Variants in TNRC18 observed in about 807,000 individuals in gnomAD.
TNRC18 encodes the protein trinucleotide repeat-containing gene 18 protein.
TNRC18 carries 69 observed loss-of-function variants against 226.7 expected under a neutral mutation model. That is an observed-to-expected ratio of 0.30 (90% CI 0.25 to 0.37). TNRC18 has a LOEUF of 0.37. TNRC18 is among the 10% of genes least tolerant of loss of function. The pLI, the probability that TNRC18 is intolerant of heterozygous loss-of-function variation, is 1.00. For missense variants in TNRC18, 4,754 were observed against 4,256.6 expected, an observed-to-expected ratio of 1.12 and a Z score of -3.25; for synonymous variants, 2,449 against 1,927.6, an observed-to-expected ratio of 1.27 and a Z score of -7.09.
chr7:5,351,342 C>T (rs776762689), intron 17 of TNRC18, among the ~76,000 whole-genome samples: 5 of 152,074 alleles, frequency 3.3e-5, no homozygotes, highest in South Asian at 2.1e-4. Context: ...ACCAAAATCG[C>T]GGTACAAACA....
At chr7:5,398,490 T>C (rs1236230493) in intron 2 of TNRC18, among the ~76,000 whole-genome samples, 3 of 151,574 alleles carry the variant, frequency 2.0e-5, no homozygotes, top group Non-Finnish European at 4.4e-5. Flanking sequence ...TTTTTTTCTT[T>C]TTCTTTTTTG....
At chr7:5,361,458 G>C in intron 14 of TNRC18, 136 bp downstream of exon 14, 3 of 1,102,158 alleles carry the variant, frequency 2.7e-6, no homozygotes, top group Non-Finnish European at 3.7e-6. Flanking sequence ...TGCTCCCCGA[G>C]GGCCACTGCT....
intron 2 of TNRC18, among the ~76,000 whole-genome samples, chr7:5,401,617 C>T (rs571711671): frequency 6.6e-6 from 1 of 152,292 alleles, no homozygotes; most frequent in South Asian, 2.1e-4. Flanking sequence ...TGCCTGTTGC[C>T]AGGAAAGCAC....
Position 5,399,523 on chromosome 7 carries a change from A to G in TNRC18, c.188-4928T>C, listed in dbSNP as rs957994155. 2.6e-5 allele frequency among the ~76,000 whole-genome samples: 4 copies of G among 151,580 alleles called. No homozygotes were observed. The East Asian group carries it at 7.8e-4, about 30-fold the overall frequency. ...AGGCCAGGAGTTCAGCCTGGCAGAC[A>G]TGGTAAAACCCCATCTCTACCAATA... On this transcript the variant is annotated intron_variant, in intron 2 of 29. Coordinates refer to ENST00000430969, the MANE Select transcript of TNRC18 (RefSeq NM_001080495.3).
chr7:5,374,703 G>A (rs572421766), intron 9 of TNRC18, among the ~76,000 whole-genome samples: 21 of 152,334 alleles, frequency 1.4e-4, no homozygotes, highest in South Asian at 8.3e-4. Context: ...AAAAGGCAGC[G>A]CTGGGGGTGA....
Position 5,377,336 on chromosome 7 carries a change from C to CCCG in TNRC18, c.2461+34_2461+35insCGG. 1 of 1,156,914 alleles carries CCCG rather than the reference C, an allele frequency of 8.6e-7. No individual in the cohort carries two copies. Among genetic ancestry groups the CCCG allele is most frequent in the Non-Finnish European group, 1.2e-6 (1 of 824,280 alleles). 71.7% of individuals were successfully genotyped at this position (1,156,914 alleles called of 1,614,324 possible). A position where few individuals can be genotyped will look rare whatever the true frequency, so the allele number is the denominator to read the frequency against. ...CACCCGCCCCCTCCCACCCCTCCCT[C>CCCG]AGAGAAGGGGAGAGACCCTGTGCCC... On this transcript the variant is annotated intron_variant, in intron 7 of 29. Coordinates refer to ENST00000430969, the MANE Select transcript of TNRC18 (RefSeq NM_001080495.3). This position sits in a 1 kb window ranked among gnomAD's most constrained non-coding sequence, Gnocchi z 5.8.
intron 3 of TNRC18, 25 bp from the exon 4 acceptor site, chr7:5,390,653 G>T (rs974031110): frequency 1.6e-5 from 24 of 1,494,038 alleles, no homozygotes; most frequent in Non-Finnish European, 1.7e-5. Flanking sequence ...AGAAAAGCTG[G>T]GCTGGGCCAA....
At chr7:5,369,902 T>C (rs1422395315) in intron 11 of TNRC18, among the ~76,000 whole-genome samples, 1 of 152,204 alleles carries the variant, frequency 6.6e-6, no homozygotes, top group Non-Finnish European at 1.5e-5. Context: ...AACAGGACGC[T>C]TAAAAATGCT....
At chr7:5,311,683 T>C (rs1381103513) in intron 27 of TNRC18, among the ~76,000 whole-genome samples, 1 of 151,856 alleles carries the variant, frequency 6.6e-6, no homozygotes, top group Non-Finnish European at 1.5e-5. Flanking sequence ...GGTAGCATGG[T>C]GGCACATGTC....
chr7:5,389,270 G>A lies in TNRC18; in HGVS notation c.554C>T (p.Thr185Ile), dbSNP rs768439544. 2 of 1,301,860 alleles carry A rather than the reference G, an allele frequency of 1.5e-6. No individual in the cohort carries two copies. The highest frequency in any genetic ancestry group is 4.5e-5 in the South Asian group (2 of 44,132). 80.6% of individuals were successfully genotyped at this position (1,301,860 alleles called of 1,614,324 possible). ...GCCCGAGGAGTGGCCGCCGCCAGGG[G>A]TCCGGGCCGAGGGCGCGTGAGAGTG... Reference protein sequence around the residue: ...SLHSHAPSARTPGGGHSSGAP... With the variant: ...SLHSHAPSARIPGGGHSSGAP... Residue 185 changes from threonine to isoleucine, a missense_variant, in exon 5 of 30, where the codon ACC (threonine) becomes ATC (isoleucine). Transcript: ENST00000430969.
chr7:5,317,023 C>T (rs111511480), intron 24 of TNRC18, among the ~76,000 whole-genome samples: 78 of 152,194 alleles, frequency 5.1e-4, no homozygotes, highest in African/African-American at 1.6e-3. Flanking sequence ...GACAGGCCCC[C>T]CAAAGGGTGA....
At chr7:5,382,322 C>T (rs774331297) in intron 5 of TNRC18, among the ~76,000 whole-genome samples, 6 of 152,184 alleles carry the variant, frequency 3.9e-5, no homozygotes, top group Non-Finnish European at 8.8e-5. Flanking sequence ...GCAGGCCGCC[C>T]AGAGGCCCAG....
chr7:5,344,700 A>G (rs1281576228), intron 18 of TNRC18, among the ~76,000 whole-genome samples: 2 of 152,122 alleles, frequency 1.3e-5, no homozygotes, highest in Non-Finnish European at 2.9e-5. Context: ...GGGGGGTCAG[A>G]AGGACCCTCC....
At chr7:5,376,356 G>A (rs1408651911) in intron 8 of TNRC18, 132 bp from the exon 9 acceptor site, 5 of 841,556 alleles carry the variant, frequency 5.9e-6, no homozygotes, top group Non-Finnish European at 8.8e-6. Context: ...CGGGCCCCCG[G>A]CTGCTCCCCA....
rs1329575737 is a variant in TNRC18, at chr7:5,361,949, A to G, written c.4480T>C (p.Tyr1494His). 1.2e-6 allele frequency: 2 copies of G among 1,610,388 alleles called. No individual in the cohort carries two copies. The highest frequency in any genetic ancestry group is 1.7e-6 in the Non-Finnish European group (2 of 1,178,854). ...RMRLAEVQRQYKEKQRELVKL... is the reference protein window; with the variant it reads ...RMRLAEVQRQHKEKQRELVKL... ...ACCAGCTCACGCTGCTTCTCCTTGT[A>G]CTGGCGCTGCACCTCGGCCAGCCGC... Residue 1494 changes from tyrosine to histidine, a missense_variant, in exon 13 of 30, where the codon TAC becomes CAC. By Grantham distance (83) the Tyr-to-His change is moderately conservative (BLOSUM62 2). Coordinates refer to ENST00000430969, the MANE Select transcript of TNRC18 (RefSeq NM_001080495.3).
intron 17 of TNRC18, among the ~76,000 whole-genome samples, chr7:5,350,659 T>G (rs1410367401): frequency 6.6e-6 from 1 of 152,206 alleles, no homozygotes; most frequent in Non-Finnish European, 1.5e-5. Flanking sequence ...CTTCCCTTTC[T>G]TGGGGCATTT....
intron 13 of TNRC18, 33 bp downstream of exon 13, chr7:5,361,864 G>C: frequency 2.0e-6 from 3 of 1,521,576 alleles, no homozygotes; most frequent in Non-Finnish European, 2.6e-6. Context: ...GCCGGGGCAG[G>C]GGCCCCACGG....
At chr7:5,379,534 C>CG (rs11411539) in intron 5 of TNRC18, among the ~76,000 whole-genome samples, 1 of 151,992 alleles carries the variant, frequency 6.6e-6, no homozygotes, top group African/African-American at 2.4e-5. Flanking sequence ...ATAGCCAGCC[C>CG]CTGAGTCCCA....
Position 5,371,139 on chromosome 7 carries a change from G to A in TNRC18, c.3455C>T (p.Pro1152Leu), listed in dbSNP as rs370932270. 39 of 1,610,838 alleles carry A rather than the reference G, an allele frequency of 2.4e-5. No individual in the cohort carries two copies. The highest frequency in any genetic ancestry group is 3.3e-5 in the Admixed American group (2 of 59,914). Residue 1152 changes from proline to leucine, a missense_variant, in exon 11 of 30, where the codon CCG becomes CTG. Transcript: ENST00000430969. ...TGCCTTCACCTCCCGCTCAGCCAGC[G>A]GTTCTTCCTCCGGGCCCTCCCGCAG... ...EPLREGPEEE[P>L]LAEREVKAEV...
Sources: gnomAD v4.1 joint callset for allele counts (sites outside exome capture counted in the v4.1 genomes callset) on GRCh38, gnomAD v4.1.1 for gene constraint, Gnocchi (gnomAD v3.1) non-coding constraint, MANE v1.5 for transcripts, NCBI Gene and HGNC (gene_info 2026-07-23, HGNC 2026-07-21) for gene names.